GLIS3: variants seen among roughly 807,000 people sequenced by gnomAD.
GLIS3 encodes zinc finger protein GLIS3.
GLIS3 carries 53 observed loss-of-function variants against 78.6 expected under a neutral mutation model. The observed-to-expected ratio is 0.67, with a 90% CI of 0.54 to 0.85. GLIS3 has a LOEUF of 0.85. Ranked by LOEUF, GLIS3 falls within the 40% of genes least tolerant of loss-of-function variation. The pLI is 0.00. For synonymous variants in GLIS3, 684 were observed against 509.9 expected (o/e 1.34, Z -4.60); for missense variants, 1,703 against 1,231.1 (o/e 1.38, Z -5.74).
intron 4 of GLIS3, among the ~76,000 whole-genome samples, chr9:3,986,539 A>G (rs1819753636): frequency 6.6e-6 from 1 of 152,230 alleles, no homozygotes; most frequent in Non-Finnish European, 1.5e-5. Flanking sequence ...ATGAGTTCTC[A>G]ATTCATATAA....
chr9:4,298,829 C>A (rs1439374450), intron 1 of GLIS3, among the ~76,000 whole-genome samples: 1 of 152,128 alleles, frequency 6.6e-6, no homozygotes, highest in Non-Finnish European at 1.5e-5. Context: ...GTACCCTCAG[C>A]CCGACCACCT....
At chr9:4,179,141 G>A (rs570913415) in intron 2 of GLIS3, among the ~76,000 whole-genome samples, 48 of 152,272 alleles carry the variant, frequency 3.2e-4, no homozygotes, top group Non-Finnish European at 6.3e-4. Context: ...CATTAAAGAT[G>A]CTTACATTTG....
chr9:4,160,446 A>C (rs1835385199), intron 2 of GLIS3, among the ~76,000 whole-genome samples: 1 of 152,240 alleles, frequency 6.6e-6, no homozygotes, highest in South Asian at 2.1e-4. Flanking sequence ...CAGAAAGTAC[A>C]TCTCCCGCAC....
chr9:4,190,309 A>G (rs2067489736), intron 2 of GLIS3, among the ~76,000 whole-genome samples: 1 of 152,198 alleles, frequency 6.6e-6, no homozygotes, highest in Admixed American at 6.5e-5. Context: ...ATGTATAACT[A>G]GAATAACCAA....
At chr9:3,866,531 A>G (rs1820598733) in intron 8 of GLIS3, among the ~76,000 whole-genome samples, 1 of 152,150 alleles carries the variant, frequency 6.6e-6, no homozygotes, top group Non-Finnish European at 1.5e-5. Context: ...GAAGAGGTAC[A>G]ATTTGAGCAG....
chr9:3,837,830 T>C (rs1276079104), intron 9 of GLIS3, among the ~76,000 whole-genome samples: 4 of 152,158 alleles, frequency 2.6e-5, no homozygotes, highest in South Asian at 4.1e-4. Flanking sequence ...CCATGGTGGA[T>C]AGATGCCATT....
In GLIS3 at chr9:3,828,326, G is replaced by T; in HGVS notation, c.2739C>A (p.Ile913=). 6.2e-7 allele frequency: 1 copy of T among 1,613,956 alleles called. No individual in the cohort carries two copies. Among genetic ancestry groups the T allele is most frequent in the East Asian group, 2.2e-5 (1 of 44,896 alleles). Residue 913 remains isoleucine, a synonymous_variant, in exon 11 of 11, where the codon ATC becomes ATA. Coordinates refer to ENST00000381971, the MANE Select transcript of GLIS3 (RefSeq NM_001042413.2). ...GGCTAGGACAGCGGTCCACGGTGCTGATCTGCAAGAAGGTAGCATCTTCAG... is the reference window on the plus strand; with the variant it reads ...GGCTAGGACAGCGGTCCACGGTGCTTATCTGCAAGAAGGTAGCATCTTCAG... ...SGAEDATFLQ[I]STVDRCPSQL...
At chr9:3,899,019 A>C in intron 6 of GLIS3, 184 bp from the exon 7 acceptor site, 3 of 711,726 alleles carry the variant, frequency 4.2e-6, no homozygotes, top group East Asian at 2.8e-5. Flanking sequence ...TCCTAATAAC[A>C]CCTGGCAAGA....
the GLIS3 span, among the ~76,000 whole-genome samples, chr9:4,394,572 C>T: frequency 1.3e-5 from 2 of 152,086 alleles, no homozygotes; most frequent in Non-Finnish European, 2.9e-5. Flanking sequence ...GGAAAATTTA[C>T]CTGTAAGTCA....
chr9:4,256,246 CAA>C (rs1028425625), intron 2 of GLIS3, among the ~76,000 whole-genome samples: 2 of 151,554 alleles, frequency 1.3e-5, no homozygotes, highest in African/African-American at 2.4e-5. Flanking sequence ...GAACACTGTG[CAA>C]AAAAAGAGTC....
chr9:3,961,761 G>A (rs1253416856), intron 4 of GLIS3, among the ~76,000 whole-genome samples: 1 of 152,104 alleles, frequency 6.6e-6, no homozygotes, highest in African/African-American at 2.4e-5. Context: ...AAAAGTTGAG[G>A]GGATCTTCGC....
intron 4 of GLIS3, among the ~76,000 whole-genome samples, chr9:4,052,399 A>T (rs999083195): frequency 6.6e-6 from 1 of 152,186 alleles, no homozygotes; most frequent in Non-Finnish European, 1.5e-5. Context: ...AAATGCATTC[A>T]TAATGGTGTA....
chr9:4,088,916 G>GTCT (rs1829265643), intron 4 of GLIS3, among the ~76,000 whole-genome samples: 2 of 152,346 alleles, frequency 1.3e-5, no homozygotes, highest in South Asian at 2.1e-4. Context: ...CAAAAGGCCT[G>GTCT]TCTTCATTCC....
intron 8 of GLIS3, among the ~76,000 whole-genome samples, chr9:3,871,682 C>T (rs568669668): frequency 6.6e-6 from 1 of 152,294 alleles, no homozygotes; most frequent in East Asian, 1.9e-4. Flanking sequence ...AGTCCCTAGG[C>T]TGCACACAGC....
At chr9:4,067,408 T>C (rs1268202774) in intron 4 of GLIS3, among the ~76,000 whole-genome samples, 1 of 152,110 alleles carries the variant, frequency 6.6e-6, no homozygotes, top group Non-Finnish European at 1.5e-5. Flanking sequence ...GTCTTACCAC[T>C]TAATTTTGCA....
intron 2 of GLIS3, among the ~76,000 whole-genome samples, chr9:4,237,946 C>T (rs921533650): frequency 6.6e-6 from 1 of 152,188 alleles, no homozygotes; most frequent in African/African-American, 2.4e-5. Context: ...AAGATGAATC[C>T]TTTCCATGTT....
intron 2 of GLIS3, among the ~76,000 whole-genome samples, chr9:4,342,560 A>G (rs1462059417): frequency 2.0e-5 from 3 of 152,178 alleles, no homozygotes; most frequent in East Asian, 1.9e-4. Context: ...TTTGCTTAGA[A>G]TTGCTGTGGC....
chr9:4,187,852 C>A (rs1383367553), intron 2 of GLIS3, among the ~76,000 whole-genome samples: 1 of 152,012 alleles, frequency 6.6e-6, no homozygotes, highest in African/African-American at 2.4e-5. Flanking sequence ...ATTTTGTATC[C>A]TGAGACTTTG....
At chr9:3,980,335 G>A (rs1360349724) in intron 4 of GLIS3, among the ~76,000 whole-genome samples, 1 of 152,216 alleles carries the variant, frequency 6.6e-6, no homozygotes, top group African/African-American at 2.4e-5. Context: ...TACACCAAGA[G>A]GAGGCCCAGG....
Sources: gnomAD v4.1 joint callset for allele counts (sites outside exome capture counted in the v4.1 genomes callset) on GRCh38, gnomAD v4.1.1 for gene constraint, MANE v1.5 for transcripts, NCBI Gene and HGNC (gene_info 2026-07-23, HGNC 2026-07-21) for gene names.